The following REXO5 variants were observed in gnomAD, a reference collection of about 807,000 sequenced individuals.
REXO5 encodes RNA exonuclease 5, also known as exonuclease NEF-sp.
Under a neutral mutation model 88.5 loss-of-function variants are expected in REXO5, and 48 were observed. The ratio of observed to expected loss-of-function variants is 0.54; its 90% CI spans 0.43 to 0.69. REXO5 has a LOEUF of 0.69. Ranked by LOEUF, REXO5 falls within the 30% of genes least tolerant of loss-of-function variation. REXO5 has a pLI of 0.00. For synonymous variants in REXO5, 311 were observed against 336.5 expected (o/e 0.92, Z 0.83); for missense variants, 749 against 912.2 (o/e 0.82, Z 2.30).
chr16:20,836,081 C>A (rs1217261741), intron 13 of REXO5, among the ~76,000 whole-genome samples: 5 of 152,154 alleles, frequency 3.3e-5, no homozygotes, highest in Admixed American at 6.5e-5. Context: ...CCCCCACACC[C>A]ACCCACACAA....
Position 20,807,090 on chromosome 16 carries a change from A to G in REXO5, c.137A>G (p.Lys46Arg), listed in dbSNP as rs776423988. 6 of 1,601,856 alleles carry G rather than the reference A, an allele frequency of 3.7e-6. No individual in the cohort carries two copies. The highest frequency in any genetic ancestry group is 1.7e-5 in the Admixed American group (1 of 57,870). ...CTCGAGGAGAGTCAGCCCGAGGCCAAGGTGAGCAACGGGGATCCCGAGCAG... is the reference window on the plus strand; with the variant it reads ...CTCGAGGAGAGTCAGCCCGAGGCCAGGGTGAGCAACGGGGATCCCGAGCAG... ...WDLEESQPEA[K>R]KARLSTILFT... The change falls in exon 2 of 20, where the codon AAG becomes AGG. Residue 46 changes from lysine (K) to arginine (R), a missense_variant and splice_region_variant. Transcript: ENST00000261377.
At position 20,807,086 on chromosome 16, in the gene REXO5, G is replaced by A. The variant is rs200638604; in HGVS notation, c.133G>A (p.Ala45Thr). 4.2e-5 allele frequency: 67 copies of A among 1,602,284 alleles called. No individual in the cohort carries two copies. In the East Asian group the frequency reaches 7.9e-4, roughly 19 times the overall value. ...GWDLEESQPE[A>T]KKARLSTILF... ...GGATCTCGAGGAGAGTCAGCCCGAG[G>A]CCAAGGTGAGCAACGGGGATCCCGA... The change falls in exon 2 of 20, where the codon GCC becomes ACC. Residue 45 changes from alanine to threonine, a missense_variant. Physicochemically the swap from Ala to Thr is moderately conservative, Grantham distance 58. Transcript: ENST00000261377.
At chr16:20,825,734 C>G in intron 7 of REXO5, 99 bp from the exon 8 acceptor site, 3 of 805,632 alleles carry the variant, frequency 3.7e-6, no homozygotes, top group Non-Finnish European at 6.0e-6. Flanking sequence ...TGCAGGGACC[C>G]TGGTAGATTA....
At chr16:20,814,242 AT>A (rs1567383262) in intron 3 of REXO5, among the ~76,000 whole-genome samples, 1 of 151,850 alleles carries the variant, frequency 6.6e-6, no homozygotes, top group African/African-American at 2.4e-5. Flanking sequence ...AGGATTTGAC[AT>A]TTTTTTGGTG....
At chr16:20,807,379 C>A in intron 2 of REXO5, 1 of 364,976 alleles carries the variant, frequency 2.7e-6, no homozygotes, top group Non-Finnish European at 5.0e-6. Flanking sequence ...GAGTTCGAGA[C>A]CAGCCTTGTC....
chr16:20,821,668 C>A, intron 5 of REXO5, 94 bp from the exon 6 acceptor site: 2 of 1,160,550 alleles, frequency 1.7e-6, no homozygotes, highest in Non-Finnish European at 2.3e-6. Flanking sequence ...ATCTTTTGAT[C>A]TTCCTTGTGC....
intron 6 of REXO5, among the ~76,000 whole-genome samples, chr16:20,824,223 A>G (rs972317874): frequency 6.6e-6 from 1 of 152,196 alleles, no homozygotes; most frequent in South Asian, 2.1e-4. Flanking sequence ...TCCTCCTAAC[A>G]GCAAGCCTAC....
At chr16:20,821,242 C>G (rs2081179924) in intron 5 of REXO5, among the ~76,000 whole-genome samples, 1 of 152,000 alleles carries the variant, frequency 6.6e-6, no homozygotes, top group Admixed American at 6.6e-5. Flanking sequence ...TCCTCCTATC[C>G]CTTTACTGTT....
At chr16:20,824,962 T>G (rs539991212) in intron 7 of REXO5, among the ~76,000 whole-genome samples, 7 of 151,854 alleles carry the variant, frequency 4.6e-5, no homozygotes, top group Non-Finnish European at 1.0e-4. Context: ...TGAGCTGAGA[T>G]AGCGCCACTG....
intron 19 of REXO5, among the ~76,000 whole-genome samples, chr16:20,847,693 G>C (rs1036999944): frequency 2.0e-5 from 3 of 152,198 alleles, no homozygotes; most frequent in African/African-American, 4.8e-5. Context: ...AAACAGGCTT[G>C]TGGGTAAGCT....
At chr16:20,837,535 C>G (rs1021258786) in intron 13 of REXO5, among the ~76,000 whole-genome samples, 9 of 152,144 alleles carry the variant, frequency 5.9e-5, no homozygotes, top group Admixed American at 3.3e-4. Context: ...TTTGTATACT[C>G]CTAATTCTTT....
chr16:20,835,198 G>A (rs561954969), intron 13 of REXO5, among the ~76,000 whole-genome samples: 1 of 151,110 alleles, frequency 6.6e-6, no homozygotes, highest in African/African-American at 2.4e-5. Flanking sequence ...ATGTTGCCTA[G>A]GCTGATCTCA....
chr16:20,811,558 A>G (rs1182917804), intron 2 of REXO5, among the ~76,000 whole-genome samples: 1 of 152,174 alleles, frequency 6.6e-6, no homozygotes, highest in Non-Finnish European at 1.5e-5. Context: ...GTTGGTTTCA[A>G]AAAAGAATGA....
chr16:20,834,641 G>GT (rs1034772072), intron 13 of REXO5, among the ~76,000 whole-genome samples: 24 of 152,008 alleles, frequency 1.6e-4, no homozygotes, highest in African/African-American at 5.8e-4. Context: ...TGCTGTTCAT[G>GT]TTTTTTCCAG....
chr16:20,806,869 G>T (rs1193832456), intron 1 of REXO5, 83 bp from the exon 2 acceptor site: 1 of 1,505,366 alleles, frequency 6.6e-7, no homozygotes, highest in Admixed American at 2.2e-5. Context: ...TGTCAAGCCC[G>T]TGTAGCTCTC....
chr16:20,818,367 A>G (rs967074250), intron 5 of REXO5, among the ~76,000 whole-genome samples: 1 of 152,164 alleles, frequency 6.6e-6, no homozygotes, highest in Non-Finnish European at 1.5e-5. Flanking sequence ...ATATTTAAAT[A>G]TTTTGCTGGC....
Position 20,827,097 on chromosome 16 carries a change from G to T in REXO5, c.861G>T (p.Thr287=), listed in dbSNP as rs139338154. 109 of 1,613,806 alleles carry T rather than the reference G, an allele frequency of 6.8e-5. 3 individuals carry two copies. The South Asian group carries it at 1.2e-3, about 17-fold the overall frequency. ...GITKKILNPV[T]TKLKDVQRQL... is the part of the protein sequence containing the mutation. ...CGAAGAAGATTCTTAACCCAGTGAC[G>T]ACCAAACTCAAAGATGTACAGAGGC... Residue 287 remains threonine, a synonymous_variant, in exon 9 of 20, where the codon ACG becomes ACT. Transcript: ENST00000261377.
intron 2 of REXO5, among the ~76,000 whole-genome samples, chr16:20,807,680 T>A (rs1351082117): frequency 1.4e-5 from 2 of 144,662 alleles, no homozygotes; most frequent in African/African-American, 5.1e-5. Context: ...GGCGGGAGCA[T>A]CATTTGAGGC....
In REXO5 at chr16:20,806,716, C is replaced by T. The variant is rs1238086529; in HGVS notation, c.-3+11C>T. The T allele has an allele frequency of 7.1e-6, 7 of 985,878 alleles. No homozygotes were observed. Among genetic ancestry groups the T allele is most frequent in the Admixed American group, 3.0e-5 (1 of 33,344 alleles). 61.1% of individuals were successfully genotyped at this position (985,878 alleles called of 1,614,324 possible). ...ACCGTTGAGAATCCGGTAACCGATG[C>T]GGACGGTAAAGCCGTTTGGGTTAGA... On this transcript the variant is annotated intron_variant, in intron 1 of 19. Coordinates refer to ENST00000261377, the MANE Select transcript of REXO5 (RefSeq NM_030941.3).
Sources: gnomAD v4.1 joint callset for allele counts (sites outside exome capture counted in the v4.1 genomes callset) on GRCh38, gnomAD v4.1.1 for gene constraint, MANE v1.5 for transcripts, NCBI Gene and HGNC (gene_info 2026-07-23, HGNC 2026-07-21) for gene names.